Variants in GPC5 observed in about 807,000 individuals in gnomAD.
GPC5 encodes the protein glypican 5, also known as glypican-5.
In GPC5, 47 loss-of-function variants were observed where a neutral mutation model predicts 53.9. That is an observed-to-expected ratio of 0.87 (90% CI 0.69 to 1.11). The LOEUF is 1.11. Among genes scored for constraint, GPC5 ranks in the 50% most tolerant of loss-of-function variants. The probability of loss-of-function intolerance (pLI) is 0.00; values close to 1 mark genes in which losing one functional copy is unlikely to be tolerated. For missense variants in GPC5, 748 were observed against 713.1 expected, an observed-to-expected ratio of 1.05 and a Z score of -0.56; for synonymous variants, 286 against 263.3, an observed-to-expected ratio of 1.09 and a Z score of -0.84.
At chr13:92,692,593 G>C (rs1379161450) in intron 7 of GPC5, among the ~76,000 whole-genome samples, 4 of 150,538 alleles carry the variant, frequency 2.7e-5, no homozygotes, top group Non-Finnish European at 5.9e-5. Flanking sequence ...TGATGAGTTA[G>C]TGGGTGCAGT....
chr13:92,122,099 C>T (rs2041654506), intron 6 of GPC5, among the ~76,000 whole-genome samples: 1 of 152,080 alleles, frequency 6.6e-6, no homozygotes, highest in Non-Finnish European at 1.5e-5. Context: ...CGAAATATAG[C>T]AATTAAAATA....
chr13:92,571,630 A>G (rs545173678), intron 7 of GPC5, among the ~76,000 whole-genome samples: 1 of 152,168 alleles, frequency 6.6e-6, no homozygotes, highest in South Asian at 2.1e-4. Context: ...AGTGTGCTTC[A>G]TGATCCTTTT....
Position 92,321,602 on chromosome 13 carries a change from AACATACATACATACAT to A in GPC5, c.1561+176645_1561+176660del, listed in dbSNP as rs34397471. ...TGGGACAGAGCGAGACTCCATCTCA[AACATACATACATACAT>A]ACATACATACATACATACATACATA... On this transcript the variant is annotated intron_variant, in intron 7 of 7. Transcript: ENST00000377067. Among the ~76,000 whole-genome samples the A allele has an allele frequency of 4.6e-3, 699 of 150,628 alleles. 2 individuals are homozygous for A. The highest frequency in any genetic ancestry group is 0.013 in the African/African-American group (525 of 40,942).
At chr13:92,320,402 T>C (rs888348291) in intron 7 of GPC5, among the ~76,000 whole-genome samples, 2 of 152,180 alleles carry the variant, frequency 1.3e-5, no homozygotes, top group Non-Finnish European at 2.9e-5. Flanking sequence ...AAGAATAACA[T>C]ATTTCTATAA....
rs997485356 is a variant in GPC5 at position 91,693,438 on chromosome 13, T to C, written c.577T>C (p.Cys193Arg). Residue 193 changes from cysteine to arginine, a missense_variant, in exon 3 of 8, where the codon TGC (cysteine) becomes CGC (arginine). Physicochemically the swap from Cys to Arg is radical, Grantham distance 180 (BLOSUM62 -3). Transcript: ENST00000377067. ...TGACAGTTCCCTGGAATACTCAGAATGCATCCGGATGGCTCGCCGGGATGT... is the reference window on the plus strand; with the variant it reads ...TGACAGTTCCCTGGAATACTCAGAACGCATCCGGATGGCTCGCCGGGATGT... ...VTDSSLEYSE[C>R]IRMARRDVSP... 1 of 1,614,054 alleles carries C rather than the reference T, an allele frequency of 6.2e-7. No individual in the cohort carries two copies. Among genetic ancestry groups the C allele is most frequent in the Admixed American group, 1.7e-5 (1 of 59,994 alleles).
At chr13:92,351,558 A>C (rs2139267998) in intron 7 of GPC5, among the ~76,000 whole-genome samples, 1 of 152,208 alleles carries the variant, frequency 6.6e-6, no homozygotes, top group Non-Finnish European at 1.5e-5. Context: ...TGAGAAAAAA[A>C]AGTTATTTTT....
chr13:91,509,502 G>A (rs1040079953), intron 2 of GPC5, among the ~76,000 whole-genome samples: 3 of 151,262 alleles, frequency 2.0e-5, no homozygotes, highest in Non-Finnish European at 4.4e-5. Flanking sequence ...TGCTATAATA[G>A]ATATTCATGA....
intron 5 of GPC5, among the ~76,000 whole-genome samples, chr13:91,900,526 T>C (rs2039487206): frequency 6.6e-6 from 1 of 152,164 alleles, no homozygotes; most frequent in Non-Finnish European, 1.5e-5. Context: ...ATAGTTATAA[T>C]TGATCATTTC....
At chr13:92,692,082 G>A (rs142595538) in intron 7 of GPC5, among the ~76,000 whole-genome samples, 27 of 152,114 alleles carry the variant, frequency 1.8e-4, no homozygotes, top group African/African-American at 6.5e-4. Context: ...TTATATCCAT[G>A]TGTACCCTAT....
intron 2 of GPC5, among the ~76,000 whole-genome samples, chr13:91,580,831 G>A (rs1167626342): frequency 6.6e-6 from 1 of 152,148 alleles, no homozygotes; most frequent in Non-Finnish European, 1.5e-5. Context: ...GTTATTTTAT[G>A]TATTAGTCCA....
chr13:91,550,759 T>G (rs2030589527), intron 2 of GPC5, among the ~76,000 whole-genome samples: 1 of 151,982 alleles, frequency 6.6e-6, no homozygotes, highest in Non-Finnish European at 1.5e-5. Context: ...ATGTCAAGGG[T>G]GGGGCCAGAG....
At chr13:92,441,898 A>G (rs2139386821) in intron 7 of GPC5, among the ~76,000 whole-genome samples, 1 of 152,314 alleles carries the variant, frequency 6.6e-6, no homozygotes, top group South Asian at 2.1e-4. Flanking sequence ...ACTAATCAAA[A>G]AGAACAAAGC....
intron 5 of GPC5, among the ~76,000 whole-genome samples, chr13:91,812,185 A>G (rs2038322775): frequency 6.6e-6 from 1 of 152,224 alleles, no homozygotes; most frequent in African/African-American, 2.4e-5. Context: ...GCAGATTCAG[A>G]CAAACACTTG....
intron 7 of GPC5, among the ~76,000 whole-genome samples, chr13:92,667,331 G>A (rs757050443): frequency 6.6e-6 from 1 of 152,086 alleles, no homozygotes; most frequent in African/African-American, 2.4e-5. Context: ...AATGCAGAGA[G>A]TGCTTGGAAA....
intron 7 of GPC5, among the ~76,000 whole-genome samples, chr13:92,365,063 G>A (rs1233875749): frequency 3.3e-5 from 5 of 151,582 alleles, no homozygotes; most frequent in Non-Finnish European, 7.3e-5. Flanking sequence ...ATACAGTTAC[G>A]TATCACTTAA....
At chr13:92,265,477 G>A (rs1178396255) in intron 7 of GPC5, among the ~76,000 whole-genome samples, 1 of 152,034 alleles carries the variant, frequency 6.6e-6, no homozygotes, top group Non-Finnish European at 1.5e-5. Context: ...TTTTCAGTAA[G>A]ATTTTCCTCA....
In GPC5 at chr13:91,756,310, C is replaced by T; in HGVS notation, c.1170C>T (p.Ser390=). Residue 390 remains serine (S), a synonymous_variant, in exon 5 of 8, where the codon AGC becomes AGT. Coordinates refer to ENST00000377067, the MANE Select transcript of GPC5 (RefSeq NM_004466.6). The part of the protein sequence containing the change: ...LANRRKEFIN[S]LRLYRSFYGG... The stretch of plus-strand genomic sequence containing the variant: ...TTTCATTTAGAGAATTTATCAACAG[C>T]CTTCGACTGTACAGGTCATTCTATG... The T allele has an allele frequency of 6.5e-7, 1 of 1,531,908 alleles. No individual in the cohort carries two copies. The allele number at this position is 1,531,908 out of a possible 1,614,324, so 94.9% of individuals were successfully genotyped here. A position where few individuals can be genotyped will look rare whatever the true frequency, so the allele number is the denominator to read the frequency against.
chr13:92,397,108 T>C (rs894588617), intron 7 of GPC5, among the ~76,000 whole-genome samples: 1 of 152,230 alleles, frequency 6.6e-6, no homozygotes, highest in African/African-American at 2.4e-5. Context: ...TTTCTCACTG[T>C]TAACACTTGT....
intron 2 of GPC5, among the ~76,000 whole-genome samples, chr13:91,524,240 G>C (rs951407855): frequency 2.0e-5 from 3 of 152,064 alleles, no homozygotes; most frequent in African/African-American, 7.2e-5. Flanking sequence ...ATTAGAACCT[G>C]TACATCTTTG....
Sources: allele counts gnomAD v4.1 joint callset (sites outside exome capture counted in the v4.1 genomes callset), GRCh38; gene constraint gnomAD v4.1.1; transcripts MANE v1.5; gene names NCBI Gene and HGNC (gene_info 2026-07-23, HGNC 2026-07-21).